NPAP1: variants seen among roughly 807,000 people sequenced by gnomAD.
NPAP1 encodes nuclear pore-associated protein 1.
For synonymous variants in NPAP1, 616 were observed against 581.4 expected (o/e 1.06, Z -0.86); for missense variants, 1,483 against 1,454.5 (o/e 1.02, Z -0.32).
In NPAP1 at chr15:24,679,305, T is replaced by C. The variant is rs142988627; in HGVS notation, c.3438T>C (p.Tyr1146=). 1.2e-5 allele frequency: 20 copies of C among 1,613,550 alleles called. No homozygotes were observed. The African/African-American group carries it at 1.9e-4, about 15-fold the overall frequency. The part of the protein sequence containing the change: ...SSTHYYGQET[Y]VRRHVCFQLP Reference sequence around the variant, plus strand: ...CCCACTACTATGGACAAGAAACATATGTTAGGAGACATGTCTGTTTCCAAC... The same window carrying C: ...CCCACTACTATGGACAAGAAACATACGTTAGGAGACATGTCTGTTTCCAAC... The change falls in exon 1 of 1, where the codon TAT becomes TAC. Residue 1146 remains tyrosine (Y), a synonymous_variant. Transcript: ENST00000329468.
rs2141309368 is a variant in NPAP1 at position 24,677,018 on chromosome 15, A to G, written c.1151A>G (p.Asp384Gly). 2 of 1,613,980 alleles carry G rather than the reference A, an allele frequency of 1.2e-6. No individual in the cohort carries two copies. Among genetic ancestry groups the G allele is most frequent in the South Asian group, 1.1e-5 (1 of 91,078 alleles). The change falls in exon 1 of 1, where the codon GAT becomes GGT. Residue 384 changes from aspartate to glycine, a missense_variant. Asp to Gly is a moderately conservative substitution (Grantham distance 94). Transcript: ENST00000329468. Reference sequence around the variant, plus strand: ...AAAAGGAATAGCAGAATCTTGGAGGATAAAACAGAGACCATGACAAACAGC... The same window carrying G: ...AAAAGGAATAGCAGAATCTTGGAGGGTAAAACAGAGACCATGACAAACAGC... ...EYKRNSRILEDKTETMTNSSI... is the reference protein window; with the variant it reads ...EYKRNSRILEGKTETMTNSSI...
chr15:24,679,180 G>T lies in NPAP1; in HGVS notation c.3313G>T (p.Asp1105Tyr), dbSNP rs2049000788. ...GAATTCATGCAGTGGTATGGGAGGG[G>T]ATGGCACCAGATCCATAGTTGGAGG... ...TQNSCSGMGG[D>Y]GTRSIVGGPC... The change falls in exon 1 of 1, where the codon GAT becomes TAT. Residue 1105 changes from aspartate (D) to tyrosine (Y), a missense_variant. Transcript: ENST00000329468. 1.2e-6 allele frequency: 2 copies of T among 1,614,210 alleles called. No homozygotes were observed. The highest frequency in any genetic ancestry group is 2.2e-5 in the South Asian group (2 of 91,084).
rs750341266 is a variant in NPAP1, at chr15:24,676,548, G to A, written c.681G>A (p.Ala227=). 12 of 1,613,960 alleles carry A rather than the reference G, an allele frequency of 7.4e-6. No homozygotes were observed. Among genetic ancestry groups the A allele is most frequent in the African/African-American group, 2.7e-5 (2 of 74,916 alleles). ...ACAGCATGAGTGAGAAGGCCCAGGC[G>A]TCTCCAGCGAGCTCCTGCTTGGAAG... ...SENSMSEKAQ[A]SPASSCLEGP... is the part of the protein sequence containing the mutation. The change falls in exon 1 of 1, where the codon GCG becomes GCA. Residue 227 remains alanine, a synonymous_variant. Transcript: ENST00000329468.
rs1420532473 is a variant in NPAP1 at position 24,677,483 on chromosome 15, G to A, written c.1616G>A (p.Gly539Glu). 3 of 1,613,908 alleles carry A rather than the reference G, an allele frequency of 1.9e-6. No homozygotes were observed. The highest frequency in any genetic ancestry group is 1.3e-5 in the African/African-American group (1 of 74,948). The change falls in exon 1 of 1, where the codon GGG becomes GAG. Residue 539 changes from glycine (G) to glutamate (E), a missense_variant. Physicochemically the swap from Gly to Glu is moderately conservative, Grantham distance 98. Coordinates refer to ENST00000329468, the MANE Select transcript of NPAP1 (RefSeq NM_018958.3). ...FLTLLPVPST[G>E]TSVITSKPMN... Reference sequence around the variant, plus strand: ...ACTCTTCTTCCAGTCCCTTCCACCGGGACCTCAGTTATCACCAGCAAGCCT... The same window carrying A: ...ACTCTTCTTCCAGTCCCTTCCACCGAGACCTCAGTTATCACCAGCAAGCCT...
In NPAP1 at chr15:24,680,251, C is replaced by T. The variant is rs911197455; in HGVS notation, c.*913C>T. 2 of 166,942 alleles carry T rather than the reference C, an allele frequency of 1.2e-5. No homozygotes were observed. Among genetic ancestry groups the T allele is most frequent in the Admixed American group, 6.5e-5 (1 of 15,292 alleles). The allele number at this position is 166,942 out of a possible 1,614,324, so 10.3% of individuals were successfully genotyped here. On this transcript the variant is annotated 3_prime_UTR_variant, in exon 1 of 1. Transcript: ENST00000329468. ...CCTCAGGTGATCCACCCACCTCGGC[C>T]TCCCAAAGTGCTAGGATGACAGGTG... is the stretch of plus-strand genomic sequence containing the variant.
rs771528924 is a variant in NPAP1 at position 24,676,500 on chromosome 15, T to G, written c.633T>G (p.Asn211Lys). ...FRCSPGPLEG[N>K]VYHKFSENSM... The stretch of plus-strand genomic sequence containing the variant: ...GCAGCCCTGGGCCTCTGGAGGGAAA[T>G]GTCTACCACAAGTTCTCAGAAAACA... The change falls in exon 1 of 1, where the codon AAT becomes AAG. Residue 211 changes from asparagine to lysine, a missense_variant. Physicochemically the swap from Asn to Lys is moderately conservative, Grantham distance 94. Transcript: ENST00000329468. The G allele has an allele frequency of 5.0e-6, 8 of 1,613,932 alleles. No individual in the cohort carries two copies. In the South Asian group the frequency reaches 8.8e-5, roughly 18 times the overall value.
rs1241932027 is a variant in NPAP1, at chr15:24,677,194, C to T, written c.1327C>T (p.Pro443Ser). 4 of 1,613,974 alleles carry T rather than the reference C, an allele frequency of 2.5e-6. No individual in the cohort carries two copies. The highest frequency in any genetic ancestry group is 1.1e-5 in the South Asian group (1 of 91,084). ...ATGPLILPIPPLSTTPKMDEK... is the reference protein window; with the variant it reads ...ATGPLILPIPSLSTTPKMDEK... ...TGGACCCCTCATCCTGCCTATCCCT[C>T]CACTTTCCACCACACCAAAAATGGA... Residue 443 changes from proline (P) to serine (S), a missense_variant, in exon 1 of 1, where the codon CCA (proline) becomes TCA (serine). By Grantham distance (74) the Pro-to-Ser change is moderately conservative. Transcript: ENST00000329468.
chr15:24,677,258 C>G lies in NPAP1; in HGVS notation c.1391C>G (p.Ala464Gly), dbSNP rs777108478. The G allele has an allele frequency of 6.2e-7, 1 of 1,614,156 alleles. No individual in the cohort carries two copies. Residue 464 changes from alanine to glycine, a missense_variant, in exon 1 of 1, where the codon GCT becomes GGT. Transcript: ENST00000329468. ...TTCACAATCCCTAACTCTCCTCTGG[C>G]TCTTCCTGCTGACCTTGTTCCCATT... ...IAFTIPNSPL[A>G]LPADLVPILG...
rs1245883197 is a variant in NPAP1, at chr15:24,679,393, C to A, written c.*55C>A. 7.9e-7 allele frequency: 1 copy of A among 1,272,136 alleles called. No individual in the cohort carries two copies. The highest frequency in any genetic ancestry group is 1.1e-6 in the Non-Finnish European group (1 of 888,680). The allele number at this position is 1,272,136 out of a possible 1,614,324, so 78.8% of individuals were successfully genotyped here. On this transcript the variant is annotated 3_prime_UTR_variant, in exon 1 of 1. Coordinates refer to ENST00000329468, the MANE Select transcript of NPAP1 (RefSeq NM_018958.3). Reference sequence around the variant, plus strand: ...CATCAGTTGTGGTTGTAAATACCAGCATTATCCTTTTGTATGGTCATGCTT... The same window carrying A: ...CATCAGTTGTGGTTGTAAATACCAGAATTATCCTTTTGTATGGTCATGCTT...
In NPAP1 at chr15:24,677,340, G is replaced by A. The variant is rs764405460; in HGVS notation, c.1473G>A (p.Ala491=). 1.9e-5 allele frequency: 30 copies of A among 1,613,850 alleles called. No individual in the cohort carries two copies. Among genetic ancestry groups the A allele is most frequent in the African/African-American group, 1.3e-4 (10 of 74,882 alleles). ...CTTATAATTCAGTCGTAGGAGCAGCGCCTCTCACTTCTGACCCCCCAACAC... is the reference window on the plus strand; with the variant it reads ...CTTATAATTCAGTCGTAGGAGCAGCACCTCTCACTTCTGACCCCCCAACAC... The part of the protein sequence containing the change: ...GGSYNSVVGA[A]PLTSDPPTPP... Residue 491 remains alanine (A), a synonymous_variant, in exon 1 of 1, where the codon GCG becomes GCA. Coordinates refer to ENST00000329468, the MANE Select transcript of NPAP1 (RefSeq NM_018958.3).
In NPAP1 at chr15:24,677,144, T is replaced by G. The variant is rs201422992; in HGVS notation, c.1277T>G (p.Ile426Ser). Reference sequence around the variant, plus strand: ...TCCCAGGTCTCAGCTCCTTTGCCCATCCCTGACTTGGCTGACCTGGCTACT... The same window carrying G: ...TCCCAGGTCTCAGCTCCTTTGCCCAGCCCTGACTTGGCTGACCTGGCTACT... ...YTSQVSAPLP[I>S]PDLADLATGP... Residue 426 changes from isoleucine (I) to serine (S), a missense_variant, in exon 1 of 1, where the codon ATC (isoleucine) becomes AGC (serine). Transcript: ENST00000329468. The G allele has an allele frequency of 1.6e-4, 260 of 1,613,936 alleles. No individual in the cohort carries two copies. The highest frequency in any genetic ancestry group is 2.1e-4 in the Non-Finnish European group (252 of 1,180,022).
At position 24,677,357 on chromosome 15, in the gene NPAP1, C is replaced by T. The variant is rs2141310180; in HGVS notation, c.1490C>T (p.Pro497Leu). 1 of 1,613,912 alleles carries T rather than the reference C, an allele frequency of 6.2e-7. No individual in the cohort carries two copies. Among genetic ancestry groups the T allele is most frequent in the African/African-American group, 1.3e-5 (1 of 75,004 alleles). ...VVGAAPLTSDPPTPPSSTPSF... is the reference protein window; with the variant it reads ...VVGAAPLTSDLPTPPSSTPSF... ...GGAGCAGCGCCTCTCACTTCTGACC[C>T]CCCAACACCTCCTAGCTCCACACCC... The change falls in exon 1 of 1, where the codon CCC becomes CTC. Residue 497 changes from proline (P) to leucine (L), a missense_variant. Pro to Leu is a moderately conservative substitution (Grantham distance 98). Coordinates refer to ENST00000329468, the MANE Select transcript of NPAP1 (RefSeq NM_018958.3).
rs781721758 is a variant in NPAP1, at chr15:24,676,184, C to G, written c.317C>G (p.Pro106Arg). Reference sequence around the variant, plus strand: ...CCCATGCTGCCTGCTCGGAACCCCCCGAGGTTTGGACACCCCAGTTCCGTA... The same window carrying G: ...CCCATGCTGCCTGCTCGGAACCCCCGGAGGTTTGGACACCCCAGTTCCGTA... Reference protein sequence around the residue: ...KTPMLPARNPPRFGHPSSVRI... With the variant: ...KTPMLPARNPRRFGHPSSVRI... Residue 106 changes from proline to arginine, a missense_variant, in exon 1 of 1, where the codon CCG becomes CGG. By Grantham distance (103) the Pro-to-Arg change is moderately radical (BLOSUM62 -2). Coordinates refer to ENST00000329468, the MANE Select transcript of NPAP1 (RefSeq NM_018958.3). 6.4e-7 allele frequency: 1 copy of G among 1,570,842 alleles called. No homozygotes were observed. Among genetic ancestry groups the G allele is most frequent in the Non-Finnish European group, 8.6e-7 (1 of 1,160,578 alleles).
rs755410906 is a variant in NPAP1 at position 24,677,592 on chromosome 15, A to T, written c.1725A>T (p.Val575=). 6.2e-7 allele frequency: 1 copy of T among 1,614,206 alleles called. No individual in the cohort carries two copies. Among genetic ancestry groups the T allele is most frequent in the South Asian group, 1.1e-5 (1 of 91,082 alleles). ...CACAGACTGCGGTAGACCCTGAAGT[A>T]GTTAATATGGATACTACTGCCCCAT... ...LTSQTAVDPE[V]VNMDTTAPSQ... The change falls in exon 1 of 1, where the codon GTA becomes GTT. Residue 575 remains valine (V), a synonymous_variant. Coordinates refer to ENST00000329468, the MANE Select transcript of NPAP1 (RefSeq NM_018958.3).
rs1332874848 is a variant in NPAP1, at chr15:24,677,989, G to C, written c.2122G>C (p.Ala708Pro). Reference sequence around the variant, plus strand: ...TATGCATACCACTCCTCCTTCCAAGGCTGTCATCTTGCAGTCTGCCTCTGT... The same window carrying C: ...TATGCATACCACTCCTCCTTCCAAGCCTGTCATCTTGCAGTCTGCCTCTGT... ...NAMHTTPPSK[A>P]VILQSASVSK... The change falls in exon 1 of 1, where the codon GCT becomes CCT. Residue 708 changes from alanine (A) to proline (P), a missense_variant. Coordinates refer to ENST00000329468, the MANE Select transcript of NPAP1 (RefSeq NM_018958.3). 1 of 1,612,994 alleles carries C rather than the reference G, an allele frequency of 6.2e-7. No individual in the cohort carries two copies.
rs761920871 is a variant in NPAP1, at chr15:24,678,887, T to A, written c.3020T>A (p.Val1007Glu). The A allele has an allele frequency of 8.1e-6, 13 of 1,614,120 alleles. No individual in the cohort carries two copies. Among genetic ancestry groups the A allele is most frequent in the Non-Finnish European group, 1.1e-5 (13 of 1,180,030 alleles). ...GGAAATACTATTCCAGGCCCACAAGTGATTATGGGACCTGGAACCCCTATG... is the reference window on the plus strand; with the variant it reads ...GGAAATACTATTCCAGGCCCACAAGAGATTATGGGACCTGGAACCCCTATG... ...LVGNTIPGPQ[V>E]IMGPGTPMDG... Residue 1007 changes from valine (V) to glutamate (E), a missense_variant, in exon 1 of 1, where the codon GTG (valine) becomes GAG (glutamate). By Grantham distance (121) the Val-to-Glu change is moderately radical (BLOSUM62 -2). Transcript: ENST00000329468.
the NPAP1 span, chr15:24,678,412 C>T: frequency 8.7e-6 from 14 of 1,613,956 alleles, no homozygotes; most frequent in Non-Finnish European, 1.2e-5. Flanking sequence ...GGAGTACATC[C>T]GATTTTATAT....
rs1432372195 is a variant in NPAP1 at position 24,677,695 on chromosome 15, G to C, written c.1828G>C (p.Glu610Gln). 6.2e-7 allele frequency: 1 copy of C among 1,614,154 alleles called. No individual in the cohort carries two copies. Among genetic ancestry groups the C allele is most frequent in the Non-Finnish European group, 8.5e-7 (1 of 1,180,038 alleles). ...LPNSQIHCSA[E>Q]QRHPGKTSVY... ...AAATTCCCAAATACATTGCAGTGCA[G>C]AGCAGAGGCACCCGGGAAAGACATC... is the stretch of plus-strand genomic sequence containing the variant. The change falls in exon 1 of 1, where the codon GAG becomes CAG. Residue 610 changes from glutamate to glutamine, a missense_variant. Coordinates refer to ENST00000329468, the MANE Select transcript of NPAP1 (RefSeq NM_018958.3).
rs1273395897 is a variant in NPAP1 at position 24,676,490 on chromosome 15, T to C, written c.623T>C (p.Leu208Pro). Reference sequence around the variant, plus strand: ...TCCTTCAGATGCAGCCCTGGGCCTCTGGAGGGAAATGTCTACCACAAGTTC... The same window carrying C: ...TCCTTCAGATGCAGCCCTGGGCCTCCGGAGGGAAATGTCTACCACAAGTTC... ...VASFRCSPGP[L>P]EGNVYHKFSE... Residue 208 changes from leucine to proline, a missense_variant, in exon 1 of 1, where the codon CTG becomes CCG. By Grantham distance (98) the Leu-to-Pro change is moderately conservative (BLOSUM62 -3). Transcript: ENST00000329468. 1 of 1,614,080 alleles carries C rather than the reference T, an allele frequency of 6.2e-7. No homozygotes were observed. Among genetic ancestry groups the C allele is most frequent in the South Asian group, 1.1e-5 (1 of 91,070 alleles).
Sources: gnomAD v4.1 joint callset for allele counts on GRCh38, gnomAD v4.1.1 for gene constraint, MANE v1.5 for transcripts, NCBI Gene and HGNC (gene_info 2026-07-23, HGNC 2026-07-21) for gene names.